Variants in VPS8 observed in about 807,000 individuals in gnomAD.
VPS8 encodes the protein VPS8 subunit of CORVET complex.
Under a neutral mutation model 216.4 loss-of-function variants are expected in VPS8, and 129 were observed. That is an observed-to-expected ratio of 0.60 (90% CI 0.52 to 0.69). The LOEUF (loss-of-function observed/expected upper bound fraction) is 0.69, where lower values mean the gene tolerates loss of function less well. Among genes scored for constraint, VPS8 ranks in the 30% least tolerant of loss-of-function variants. The pLI is 0.00. For missense variants in VPS8, 1,531 were observed against 1,683.5 expected (o/e 0.91, Z 1.59); for synonymous variants, 571 against 565.4 (o/e 1.01, Z -0.14).
intron 26 of VPS8, among the ~76,000 whole-genome samples, chr3:184,914,675 G>A (rs1238593523): frequency 2.0e-5 from 3 of 152,160 alleles, no homozygotes; most frequent in Non-Finnish European, 4.4e-5. Flanking sequence ...TGGGTATGAG[G>A]CCTTTAGAAG....
At position 184,835,349 on chromosome 3, in the gene VPS8, A is replaced by G. The variant is rs574589053; in HGVS notation, c.447+607A>G. 6.5e-4 allele frequency among the ~76,000 whole-genome samples: 99 copies of G among 152,278 alleles called. 1 individual carries two copies. The highest frequency in any genetic ancestry group is 2.3e-3 in the African/African-American group (95 of 41,546). The stretch of plus-strand genomic sequence containing the variant: ...TTCTGGCTTCAAGTGTAGTGCCTCT[A>G]TTGTGAAATGGAGGTGGCATTGGTG... On this transcript the variant is annotated intron_variant, in intron 5 of 47. Transcript: ENST00000625842.
chr3:185,035,376 C>T (rs910185821), intron 46 of VPS8, among the ~76,000 whole-genome samples: 1 of 151,950 alleles, frequency 6.6e-6, no homozygotes, highest in Non-Finnish European at 1.5e-5. Flanking sequence ...ACCAGCAAAC[C>T]GAATCCACCA....
chr3:184,868,221 C>A, intron 18 of VPS8, 162 bp downstream of exon 18: 1 of 656,214 alleles, frequency 1.5e-6, no homozygotes, highest in Non-Finnish European at 2.6e-6. Flanking sequence ...CTAGAACTGA[C>A]AGTATAAGTT....
chr3:185,010,442 G>C (rs933659443), intron 45 of VPS8, among the ~76,000 whole-genome samples: 1 of 152,048 alleles, frequency 6.6e-6, no homozygotes, highest in Admixed American at 6.6e-5. Context: ...AAATGACCCA[G>C]ATAATAAAAT....
At chr3:184,823,806 A>G (rs1718133081) in intron 1 of VPS8, among the ~76,000 whole-genome samples, 1 of 152,208 alleles carries the variant, frequency 6.6e-6, no homozygotes, top group South Asian at 2.1e-4. Flanking sequence ...CAAGTAAACC[A>G]AATTATCTGT....
intron 42 of VPS8, among the ~76,000 whole-genome samples, chr3:184,992,610 T>C (rs567813444): frequency 6.6e-6 from 1 of 152,236 alleles, no homozygotes; most frequent in Admixed American, 6.5e-5. Flanking sequence ...TGCTTAGTAC[T>C]GTACTTGGCA....
intron 28 of VPS8, among the ~76,000 whole-genome samples, chr3:184,917,214 T>C (rs1049730771): frequency 1.3e-5 from 2 of 152,052 alleles, no homozygotes; most frequent in Non-Finnish European, 2.9e-5. Flanking sequence ...AAAAACATTG[T>C]AGGCAGAGGG....
At chr3:184,926,171 C>A (rs1012770434) in intron 30 of VPS8, among the ~76,000 whole-genome samples, 5 of 151,148 alleles carry the variant, frequency 3.3e-5, no homozygotes, top group African/African-American at 9.7e-5. Context: ...GTCAGGAGAT[C>A]GAGACCATCC....
chr3:184,897,299 T>TGG (rs1201187440), intron 23 of VPS8, among the ~76,000 whole-genome samples: 1 of 152,082 alleles, frequency 6.6e-6, no homozygotes, highest in Non-Finnish European at 1.5e-5. Flanking sequence ...GAGATAGAAT[T>TGG]GATTTGCTGG....
intron 36 of VPS8, among the ~76,000 whole-genome samples, chr3:184,941,146 G>A (rs1319671767): frequency 6.8e-6 from 1 of 146,720 alleles, no homozygotes; most frequent in African/African-American, 2.5e-5. Context: ...GTTAGCAATT[G>A]TAATATCAGC....
At position 184,964,523 on chromosome 3, in the gene VPS8, G is replaced by A; in HGVS notation, c.3239G>A (p.Gly1080Glu). Residue 1080 changes from glycine (G) to glutamate (E), a missense_variant, in exon 38 of 48, where the codon GGA becomes GAA. Physicochemically the swap from Gly to Glu is moderately conservative, Grantham distance 98 (BLOSUM62 -2). This residue lies in a region of VPS8 where 1,318 missense variants were observed against 1,468.4 expected (regional missense o/e 0.90). Transcript: ENST00000625842. ...ACCGCTTATCTATTGGAAAAGAAAG[G>A]AGATATTCATGGTGCCTTCCTAATA... ...EVTAYLLEKKGDIHGAFLIML... is the reference protein window; with the variant it reads ...EVTAYLLEKKEDIHGAFLIML... 1 of 1,519,766 alleles carries A rather than the reference G, an allele frequency of 6.6e-7. No individual in the cohort carries two copies. The highest frequency in any genetic ancestry group is 2.5e-5 in the East Asian group (1 of 39,904). 94.1% of individuals were successfully genotyped at this position (1,519,766 alleles called of 1,614,324 possible).
At position 184,982,623 on chromosome 3, in the gene VPS8, G is replaced by A; in HGVS notation, c.3478G>A (p.Ala1160Thr). 2 of 1,613,316 alleles carry A rather than the reference G, an allele frequency of 1.2e-6. No individual in the cohort carries two copies. Among genetic ancestry groups the A allele is most frequent in the South Asian group, 1.1e-5 (1 of 90,958 alleles). ...GGCCCCTCAGAAGCTGTCCAGTTCAGCCATTCCTCATCTACACTCTGAAGG... is the reference window on the plus strand; with the variant it reads ...GGCCCCTCAGAAGCTGTCCAGTTCAACCATTCCTCATCTACACTCTGAAGG... The part of the protein sequence containing the change: ...MMAPQKLSSS[A>T]IPHLHSEALK... Residue 1160 changes from alanine (A) to threonine (T), a missense_variant, in exon 41 of 48, where the codon GCC (alanine) becomes ACC (threonine). By Grantham distance (58) the Ala-to-Thr change is moderately conservative (BLOSUM62 0). Transcript: ENST00000625842.
At chr3:184,824,076 T>C (rs931089631) in intron 1 of VPS8, 6 of 152,464 alleles carry the variant, frequency 3.9e-5, no homozygotes, top group African/African-American at 1.4e-4. Context: ...GTGTTTCTGC[T>C]AAGCTCCCAG....
At chr3:184,886,476 C>T (rs929553402) in intron 22 of VPS8, among the ~76,000 whole-genome samples, 24 of 151,712 alleles carry the variant, frequency 1.6e-4, no homozygotes, top group Admixed American at 6.6e-4. Flanking sequence ...TATATACACA[C>T]ACACACGCAT....
chr3:184,974,443 A>G (rs940296620), intron 40 of VPS8, among the ~76,000 whole-genome samples: 1 of 152,130 alleles, frequency 6.6e-6, no homozygotes, highest in African/African-American at 2.4e-5. Flanking sequence ...TTCATTATAT[A>G]TTCTAAATAT....
At chr3:184,877,373 T>C (rs906088841) in intron 21 of VPS8, among the ~76,000 whole-genome samples, 7 of 152,216 alleles carry the variant, frequency 4.6e-5, no homozygotes, top group African/African-American at 1.7e-4. Context: ...CCTTGATAAA[T>C]AGTTGTTGAG....
intron 30 of VPS8, among the ~76,000 whole-genome samples, chr3:184,926,141 C>T (rs913427250): frequency 5.3e-5 from 8 of 150,288 alleles, no homozygotes; most frequent in African/African-American, 1.2e-4. Context: ...TTTGGGAGGC[C>T]GAGGCGGGCG....
At chr3:184,855,920 G>GGA in intron 14 of VPS8, 102 bp downstream of exon 14, 4 of 873,920 alleles carry the variant, frequency 4.6e-6, no homozygotes, top group Non-Finnish European at 7.0e-6. Flanking sequence ...CTAAGTCTTT[G>GGA]GAGAGAGAGT....
chr3:184,856,594 C>T (rs1725303613), intron 14 of VPS8, among the ~76,000 whole-genome samples: 1 of 152,188 alleles, frequency 6.6e-6, no homozygotes, highest in African/African-American at 2.4e-5. Context: ...TTCATATGTG[C>T]TCTATCACCA....
Sources: allele counts gnomAD v4.1 joint callset (sites outside exome capture counted in the v4.1 genomes callset), GRCh38; gene constraint gnomAD v4.1.1; regional missense constraint gnomAD v4.1.1; transcripts MANE v1.5; gene names NCBI Gene and HGNC (gene_info 2026-07-23, HGNC 2026-07-21).